The following SGCD variants were observed in gnomAD, a reference collection of about 807,000 sequenced individuals.
SGCD encodes delta-sarcoglycan.
Under a neutral mutation model 36.6 loss-of-function variants are expected in SGCD, and 18 were observed. The observed-to-expected ratio is 0.49, with a 90% CI of 0.34 to 0.73. SGCD has a LOEUF of 0.73. Ranked by LOEUF, SGCD falls within the 30% of genes least tolerant of loss-of-function variation. SGCD has a pLI of 0.01. For synonymous variants in SGCD, 133 were observed against 130.6 expected, an observed-to-expected ratio of 1.02 and a Z score of -0.12; for missense variants, 387 against 346.7, an observed-to-expected ratio of 1.12 and a Z score of -0.92.
At chr5:156,266,777 G>GTT (rs67300215) in intron 3 of SGCD, among the ~76,000 whole-genome samples, 157 of 137,720 alleles carry the variant, frequency 1.1e-3, no homozygotes, top group African/African-American at 3.1e-3. Context: ...TGGCCCCACT[G>GTT]TTTTTTTTTT....
intron 7 of SGCD, among the ~76,000 whole-genome samples, chr5:156,677,314 A>G (rs1294003690): frequency 4.6e-5 from 7 of 152,244 alleles, no homozygotes; most frequent in Non-Finnish European, 7.3e-5. Flanking sequence ...GCACATATAC[A>G]CTATGGAATA....
intron 4 of SGCD, among the ~76,000 whole-genome samples, chr5:156,561,248 T>A (rs1397960062): frequency 6.6e-6 from 1 of 152,188 alleles, no homozygotes; most frequent in African/African-American, 2.4e-5. Context: ...TATCTGTAAT[T>A]TATGCAGTCA....
intron 1 of SGCD, among the ~76,000 whole-genome samples, chr5:155,882,175 T>A (rs577349149): frequency 6.6e-6 from 1 of 152,134 alleles, no homozygotes; most frequent in Non-Finnish European, 1.5e-5. Flanking sequence ...CTGTCATGCT[T>A]ATGGCTTACT....
chr5:156,656,850 A>G (rs954516855), intron 7 of SGCD, among the ~76,000 whole-genome samples: 61 of 152,274 alleles, frequency 4.0e-4, no homozygotes, highest in South Asian at 4.1e-4. Context: ...CGATACATCT[A>G]TTACTCCCAC....
At chr5:156,265,117 G>A (rs749033727) in intron 3 of SGCD, among the ~76,000 whole-genome samples, 4 of 152,090 alleles carry the variant, frequency 2.6e-5, no homozygotes, top group Non-Finnish European at 5.9e-5. Flanking sequence ...ACCACTGAAG[G>A]CAATAGAAAC....
intron 1 of SGCD, among the ~76,000 whole-genome samples, chr5:155,998,869 C>T (rs900978427): frequency 1.3e-5 from 2 of 152,158 alleles, no homozygotes; most frequent in South Asian, 2.1e-4. Context: ...TACAGACATT[C>T]TTTGTTAGAT....
intron 3 of SGCD, among the ~76,000 whole-genome samples, chr5:156,249,547 G>A (rs1269678376): frequency 2.6e-5 from 4 of 152,144 alleles, no homozygotes. Context: ...ACAAACAAAT[G>A]ATAGAAGGCA....
chr5:156,619,485 T>A (rs1762159774), intron 6 of SGCD, among the ~76,000 whole-genome samples: 1 of 152,248 alleles, frequency 6.6e-6, no homozygotes, highest in South Asian at 2.1e-4. Context: ...AGCCAGTTAA[T>A]AACAAGGACA....
At chr5:155,992,541 G>T (rs145744269) in intron 1 of SGCD, among the ~76,000 whole-genome samples, 206 of 152,256 alleles carry the variant, frequency 1.4e-3, no homozygotes, top group African/African-American at 4.6e-3. Flanking sequence ...GTAATGCCAA[G>T]AGAAACAGCA....
In SGCD at chr5:156,060,197, A is replaced by G. The variant is rs12656800; in HGVS notation, c.-281-57681A>G. Among the ~76,000 whole-genome samples the G allele has an allele frequency of 1.4e-3, 206 of 146,680 alleles. 5 individuals are homozygous for G. In the East Asian group the frequency reaches 0.036, roughly 26 times the overall value. On this transcript the variant is annotated intron_variant, in intron 1 of 9. Transcript: ENST00000517913. ...CATCCTGTCCTATAAGGTGTGCAGG[A>G]GTAGATGCAATGATCAGTAAGTGTA...
chr5:156,113,609 T>TA (rs1271561857), intron 1 of SGCD, among the ~76,000 whole-genome samples: 2 of 152,192 alleles, frequency 1.3e-5, no homozygotes, highest in South Asian at 2.1e-4. Flanking sequence ...GGCAGTTTCT[T>TA]ACAAAGCTAA....
chr5:156,121,454 A>G lies in SGCD; in HGVS notation c.-207-2402A>G, dbSNP rs903222822. ...GTGGAACCGGAACCTGAACCGCAGT[A>G]GTAAACCCCAAAGCCTAGTTCTTAA... On this transcript the variant is annotated intron_variant, in intron 2 of 9. Transcript: ENST00000517913. Among the ~76,000 whole-genome samples the G allele has an allele frequency of 3.9e-5, 6 of 152,276 alleles. No homozygotes were observed. The South Asian group carries it at 1.2e-3, about 32-fold the overall frequency.
At chr5:155,738,778 ATGTG>A in the SGCD span, among the ~76,000 whole-genome samples, 8 of 139,750 alleles carry the variant, frequency 5.7e-5, no homozygotes, top group East Asian at 2.1e-4. Context: ...GTGTGAGAGA[ATGTG>A]TGTGAGTGTG....
chr5:156,043,928 T>TAA (rs1410202726), intron 1 of SGCD, among the ~76,000 whole-genome samples: 1 of 145,614 alleles, frequency 6.9e-6, no homozygotes, highest in African/African-American at 2.8e-5. Flanking sequence ...CTTCCAAGGG[T>TAA]AAAACACTGG....
At chr5:155,913,339 A>G (rs368569147) in intron 1 of SGCD, among the ~76,000 whole-genome samples, 34 of 152,288 alleles carry the variant, frequency 2.2e-4, no homozygotes, top group African/African-American at 7.5e-4. Context: ...GGGGATTCCA[A>G]TTGATCTTTG....
At chr5:155,784,625 TG>T in the SGCD span, among the ~76,000 whole-genome samples, 1 of 140,754 alleles carries the variant, frequency 7.1e-6, no homozygotes, top group Admixed American at 7.6e-5. Context: ...GCTGTACAAT[TG>T]GATGTAAGAG....
chr5:156,343,361 G>A (rs1004872064), intron 2 of SGCD, among the ~76,000 whole-genome samples: 5 of 152,172 alleles, frequency 3.3e-5, no homozygotes, highest in Non-Finnish European at 7.3e-5. Context: ...GGCAGTGGGG[G>A]TCCTGTTATC....
intron 3 of SGCD, among the ~76,000 whole-genome samples, chr5:156,155,660 G>A (rs930986572): frequency 6.7e-6 from 1 of 149,792 alleles, no homozygotes; most frequent in Non-Finnish European, 1.5e-5. Context: ...TCTGGATAAT[G>A]TCTGCAGTGT....
intron 4 of SGCD, among the ~76,000 whole-genome samples, chr5:156,533,247 A>AT (rs1757962324): frequency 6.6e-6 from 1 of 151,688 alleles, no homozygotes; most frequent in South Asian, 2.1e-4. Flanking sequence ...TATGGAGTCC[A>AT]TTTTTTCTCC....
Sources: gnomAD v4.1 joint callset for allele counts (sites outside exome capture counted in the v4.1 genomes callset) on GRCh38, gnomAD v4.1.1 for gene constraint, MANE v1.5 for transcripts, NCBI Gene and HGNC (gene_info 2026-07-23, HGNC 2026-07-21) for gene names.